LYST: variants seen among roughly 807,000 people sequenced by gnomAD.
LYST encodes lysosomal trafficking regulator, also known as lysosomal-trafficking regulator.
In LYST, 192 loss-of-function variants were observed where a neutral mutation model predicts 413.6. That is an observed-to-expected ratio of 0.46 (90% CI 0.41 to 0.52). The LOEUF (loss-of-function observed/expected upper bound fraction) is 0.52, where lower values mean the gene tolerates loss of function less well. Among genes scored for constraint, LYST ranks in the 20% least tolerant of loss-of-function variants. The pLI, the probability that LYST is intolerant of heterozygous loss-of-function variation, is 0.00. For synonymous variants in LYST, 1,525 were observed against 1,567.3 expected (o/e 0.97, Z 0.64); for missense variants, 3,815 against 4,499.9 (o/e 0.85, Z 4.35).
intron 21 of LYST, among the ~76,000 whole-genome samples, chr1:235,765,474 G>A (rs1038108603): frequency 1.3e-5 from 2 of 152,136 alleles, no homozygotes; most frequent in East Asian, 1.9e-4. Flanking sequence ...ATACAAGTTC[G>A]AATTCTCTGG....
intron 29 of LYST, among the ~76,000 whole-genome samples, chr1:235,744,736 C>T (rs1665741430): frequency 1.3e-5 from 2 of 151,372 alleles, no homozygotes; most frequent in Admixed American, 6.6e-5. Flanking sequence ...CCCATCTCTA[C>T]AAAAAAATAC....
In LYST at chr1:235,791,934, T is replaced by C. The variant is rs1293991607; in HGVS notation, c.4308A>G (p.Lys1436=). ...LRRARVSRSK[K]EADRESFPHR... ...GGGGAAAACTCTCTCTATCAGCCTC[T>C]TTCTTGCTCCGTGAAACTCGTGCTC... The change falls in exon 12 of 53, where the codon AAA becomes AAG. Residue 1436 remains lysine (K), a synonymous_variant. Transcript: ENST00000389793. The C allele has an allele frequency of 6.2e-7, 1 of 1,614,038 alleles. No individual in the cohort carries two copies. The highest frequency in any genetic ancestry group is 8.5e-7 in the Non-Finnish European group (1 of 1,179,994).
chr1:235,852,908 C>A (rs1678711315), intron 1 of LYST: 1 of 169,602 alleles, frequency 5.9e-6, no homozygotes. Context: ...CCTAATACTG[C>A]ATACAATTTT....
In LYST at chr1:235,746,398, G is replaced by A. The variant is rs747449153; in HGVS notation, c.7910C>T (p.Thr2637Met). ...SQENPSQATETELAQRLQRLT... is the reference protein window; with the variant it reads ...SQENPSQATEMELAQRLQRLT... The stretch of plus-strand genomic sequence containing the variant: ...CCTCTGTAGTCTCTGCGCAAGTTCC[G>A]TTTCAGTTGCTTGGCTAGGGTTCTC... The change falls in exon 29 of 53, where the codon ACG becomes ATG. Residue 2637 changes from threonine (T) to methionine (M), a missense_variant. Transcript: ENST00000389793. The A allele has an allele frequency of 5.2e-5, 84 of 1,613,764 alleles. No homozygotes were observed. The Middle Eastern group carries it at 9.9e-4, about 19-fold the overall frequency.
intron 21 of LYST, among the ~76,000 whole-genome samples, chr1:235,763,257 G>A (rs1667771693): frequency 6.6e-6 from 1 of 152,120 alleles, no homozygotes; most frequent in African/African-American, 2.4e-5. Flanking sequence ...TCATTTCTGA[G>A]CTTCATACTT....
intron 50 of LYST, among the ~76,000 whole-genome samples, chr1:235,667,567 G>T (rs1055531786): frequency 5.9e-5 from 9 of 152,154 alleles, no homozygotes; most frequent in Non-Finnish European, 1.2e-4. Flanking sequence ...AGAGGGATTG[G>T]TTCCAGGACC....
intron 2 of LYST, among the ~76,000 whole-genome samples, chr1:235,832,312 T>C (rs185569095): frequency 3.3e-5 from 5 of 152,340 alleles, no homozygotes; most frequent in Middle Eastern, 3.4e-3. Context: ...CAAGATACAC[T>C]GCAACTTTAG....
rs10926735 is a variant in LYST, at chr1:235,805,021, T to G, written c.3394-356A>C. Among the ~76,000 whole-genome samples the G allele has an allele frequency of 7.7e-3, 1,167 of 152,262 alleles. 14 individuals carry two copies. The highest frequency in any genetic ancestry group is 0.027 in the African/African-American group (1,108 of 41,546). ...AAATTCAGTGTGGAAGCATCAGGAT[T>G]TTTTAGAGATAAGGCAACATGGAGG... On this transcript the variant is annotated intron_variant, in intron 6 of 52. Transcript: ENST00000389793.
chr1:235,868,328 G>T (rs1480748102), upstream of LYST, among the ~76,000 whole-genome samples: 3 of 152,020 alleles, frequency 2.0e-5, no homozygotes, highest in African/African-American at 7.2e-5. Flanking sequence ...CACCTACAAT[G>T]CGCTAAGTAT....
intron 14 of LYST, among the ~76,000 whole-genome samples, chr1:235,783,017 C>T (rs374236487): frequency 3.3e-5 from 5 of 152,144 alleles, no homozygotes; most frequent in South Asian, 2.1e-4. Context: ...CACAGAAAGA[C>T]ACACAAAGCA....
At chr1:235,799,337 A>G (rs1671935739) in intron 10 of LYST, among the ~76,000 whole-genome samples, 1 of 152,186 alleles carries the variant, frequency 6.6e-6, no homozygotes, top group African/African-American at 2.4e-5. Context: ...CATAGTCTCA[A>G]GTTATCTCCC....
chr1:235,869,787 C>G (rs532405925), upstream of LYST, among the ~76,000 whole-genome samples: 416 of 64,140 alleles, frequency 6.5e-3, 5 homozygotes, highest in African/African-American at 0.021. Flanking sequence ...AATTGGCCTA[C>G]AGAGCTCTAA....
chr1:235,758,088 G>A (rs185295734), intron 23 of LYST, among the ~76,000 whole-genome samples: 10 of 152,266 alleles, frequency 6.6e-5, no homozygotes, highest in African/African-American at 9.6e-5. Context: ...TTTAGCCCAG[G>A]TGAAACTTCT....
At chr1:235,883,046 G>A (rs1186139139) in intron 1 of LYST, 2 of 152,154 alleles carry the variant, frequency 1.3e-5, no homozygotes, top group African/African-American at 4.8e-5. Context: ...AGCTCCTGGA[G>A]GCAACAGCAC....
At chr1:235,709,383 A>C in intron 43 of LYST, 75 bp from the exon 44 acceptor site, 1 of 1,207,146 alleles carries the variant, frequency 8.3e-7, no homozygotes. Context: ...AGGTCTTAAG[A>C]GTTCACAAAA....
Position 235,809,793 on chromosome 1 carries a change from G to A in LYST, c.1025C>T (p.Ala342Val). The change falls in exon 5 of 53, where the codon GCA becomes GTA. Residue 342 changes from alanine to valine, a missense_variant. This residue lies in a region of LYST where 1,648 missense variants were observed against 1,810.3 expected (regional missense o/e 0.91). Coordinates refer to ENST00000389793, the MANE Select transcript of LYST (RefSeq NM_000081.4). The surrounding 1 kb of genome is among the most constrained non-coding windows in gnomAD (Gnocchi z 4.0). ...LHLLSVDVSTAEMMPENLRKN... is the reference protein window; with the variant it reads ...LHLLSVDVSTVEMMPENLRKN... ...CCTAAGATTTTCTGGCATCATCTCTGCAGTACTAACATCTACTGACAGAAG... is the reference window on the plus strand; with the variant it reads ...CCTAAGATTTTCTGGCATCATCTCTACAGTACTAACATCTACTGACAGAAG... 1 of 1,613,984 alleles carries A rather than the reference G, an allele frequency of 6.2e-7. No homozygotes were observed. The highest frequency in any genetic ancestry group is 8.5e-7 in the Non-Finnish European group (1 of 1,179,980).
At chr1:235,792,325 T>A (rs1240281191) in intron 11 of LYST, among the ~76,000 whole-genome samples, 200 bp from the exon 12 acceptor site, 1 of 152,110 alleles carries the variant, frequency 6.6e-6, no homozygotes, top group Non-Finnish European at 1.5e-5. Context: ...TTTCATTCTT[T>A]TTTTTTTAAG....
intron 31 of LYST, 193 bp from the exon 32 acceptor site, chr1:235,734,852 T>A (rs1054143457): frequency 1.3e-4 from 61 of 460,104 alleles, no homozygotes; most frequent in Non-Finnish European, 2.2e-4. Flanking sequence ...AGAGGATTAA[T>A]GCTAATTTTG....
chr1:235,811,758 T>A (rs1673472713), intron 4 of LYST, among the ~76,000 whole-genome samples: 1 of 151,798 alleles, frequency 6.6e-6, no homozygotes, highest in African/African-American at 2.4e-5. Flanking sequence ...AGAGGAGAAA[T>A]TAAAAGGAGT....
Sources: gnomAD v4.1 joint callset for allele counts (sites outside exome capture counted in the v4.1 genomes callset) on GRCh38, gnomAD v4.1.1 for gene constraint, gnomAD v4.1.1 regional missense constraint, Gnocchi (gnomAD v3.1) non-coding constraint, MANE v1.5 for transcripts, NCBI Gene and HGNC (gene_info 2026-07-23, HGNC 2026-07-21) for gene names.